ZW10: variants seen among roughly 807,000 people sequenced by gnomAD.
The protein encoded by ZW10 is centromere/kinetochore protein zw10 homolog.
ZW10 carries 53 observed loss-of-function variants against 87.8 expected under a neutral mutation model. The ratio of observed to expected loss-of-function variants is 0.60; its 90% CI spans 0.48 to 0.76. The LOEUF (loss-of-function observed/expected upper bound fraction) is 0.76, where lower values mean the gene tolerates loss of function less well. Ranked by LOEUF, ZW10 falls within the 30% of genes least tolerant of loss-of-function variation. The pLI is 0.00. For synonymous variants in ZW10, 312 were observed against 329.2 expected, an observed-to-expected ratio of 0.95 and a Z score of 0.57; for missense variants, 837 against 923.0, an observed-to-expected ratio of 0.91 and a Z score of 1.21.
In ZW10 at chr11:113,768,949, T is replaced by C. The variant is rs749671521; in HGVS notation, c.124A>G (p.Ile42Val). 6.2e-7 allele frequency: 1 copy of C among 1,614,156 alleles called. No individual in the cohort carries two copies. The highest frequency in any genetic ancestry group is 1.1e-5 in the South Asian group (1 of 91,076). Residue 42 changes from isoleucine (I) to valine (V), a missense_variant, in exon 2 of 16, where the codon ATT becomes GTT. Physicochemically the swap from Ile to Val is conservative, Grantham distance 29. Transcript: ENST00000200135. ...EEIKGEVCNM[I>V]SKKYSEFLPS... ...AGGAATTCACTGTACTTCTTGCTAA[T>C]CATATTGCACACCTCACCCTAAAAT... is the stretch of plus-strand genomic sequence containing the variant.
intron 8 of ZW10, 41 bp downstream of exon 8, chr11:113,748,216 A>C (rs1953700482): frequency 6.5e-7 from 1 of 1,530,118 alleles, no homozygotes; most frequent in African/African-American, 1.4e-5. Flanking sequence ...AATAAGAAAC[A>C]ACAGTGTCTT....
chr11:113,744,103 C>G, intron 9 of ZW10, 63 bp from the exon 10 acceptor site: 1 of 1,382,478 alleles, frequency 7.2e-7, no homozygotes. Flanking sequence ...AATATAAGCA[C>G]ACGGCCGGGC....
chr11:113,773,095 A>G (rs1460963032), intron 1 of ZW10, among the ~76,000 whole-genome samples: 1 of 152,068 alleles, frequency 6.6e-6, no homozygotes, highest in African/African-American at 2.4e-5. Flanking sequence ...CAACAAATCA[A>G]GGAGTGGGTG....
At chr11:113,761,437 A>G (rs1216510792) in intron 2 of ZW10, among the ~76,000 whole-genome samples, 2 of 151,834 alleles carry the variant, frequency 1.3e-5, no homozygotes, top group Non-Finnish European at 2.9e-5. Context: ...GCACCACCAC[A>G]CCTGTCTAAT....
At chr11:113,737,320 C>A (rs1382242891) in intron 14 of ZW10, among the ~76,000 whole-genome samples, 3 of 152,156 alleles carry the variant, frequency 2.0e-5, no homozygotes, top group African/African-American at 7.2e-5. Flanking sequence ...CATCTCAGGA[C>A]CACTACCCAG....
At chr11:113,760,737 C>T in intron 3 of ZW10, 80 bp downstream of exon 3, 2 of 1,255,936 alleles carry the variant, frequency 1.6e-6, no homozygotes, top group Non-Finnish European at 1.1e-6. Context: ...CAAAAAAACC[C>T]ATTATAGTCA....
At chr11:113,756,453 T>C (rs185431598) in intron 7 of ZW10, among the ~76,000 whole-genome samples, 84 of 152,284 alleles carry the variant, frequency 5.5e-4, no homozygotes, top group African/African-American at 1.9e-3. Flanking sequence ...ACCATAGAAA[T>C]AGCATCAATA....
chr11:113,736,201 C>T (rs567736944), intron 15 of ZW10, among the ~76,000 whole-genome samples: 11 of 151,824 alleles, frequency 7.2e-5, no homozygotes, highest in East Asian at 1.9e-4. Context: ...CTTGAGCCCA[C>T]GAGTTTGAGG....
At chr11:113,771,969 A>G (rs1953972446) in intron 1 of ZW10, among the ~76,000 whole-genome samples, 1 of 152,266 alleles carries the variant, frequency 6.6e-6, no homozygotes, top group African/African-American at 2.4e-5. Context: ...ACTGAAATGT[A>G]ATACAGCAAC....
At chr11:113,758,775 G>C in intron 5 of ZW10, 69 bp from the exon 6 acceptor site, 1 of 1,476,598 alleles carries the variant, frequency 6.8e-7, no homozygotes, top group East Asian at 2.3e-5. Context: ...ATTCCTCAGA[G>C]CTCATTCTCT....
chr11:113,738,132 T>C, intron 13 of ZW10, 132 bp downstream of exon 13: 1 of 1,010,566 alleles, frequency 9.9e-7, no homozygotes, highest in Non-Finnish European at 1.4e-6. Flanking sequence ...GGTATCTAGA[T>C]TTTCCAAAGG....
rs1013602077 is a variant in ZW10 at position 113,760,910 on chromosome 11, C to A, written c.249G>T (p.Arg83=). ...ATTCACCGGTTGATACGTGAAGATCCCGGCGGACCTAATTCACACATCAAA... is the reference window on the plus strand; with the variant it reads ...ATTCACCGGTTGATACGTGAAGATCACGGCGGACCTAATTCACACATCAAA... ...LKSRIESEVR[R]DLHVSTGEFT... The change falls in exon 3 of 16, where the codon CGG becomes CGT. Residue 83 remains arginine, a synonymous_variant. Coordinates refer to ENST00000200135, the MANE Select transcript of ZW10 (RefSeq NM_004724.4). 1.2e-6 allele frequency: 2 copies of A among 1,613,310 alleles called. No homozygotes were observed. Among genetic ancestry groups the A allele is most frequent in the Admixed American group, 3.3e-5 (2 of 59,918 alleles).
At chr11:113,754,930 C>T (rs973318931) in intron 7 of ZW10, among the ~76,000 whole-genome samples, 4 of 152,108 alleles carry the variant, frequency 2.6e-5, no homozygotes, top group Non-Finnish European at 5.9e-5. Context: ...TGTGAGCTAC[C>T]ATGCCCAGCC....
chr11:113,750,342 T>C (rs1953722154), intron 7 of ZW10, among the ~76,000 whole-genome samples: 1 of 152,032 alleles, frequency 6.6e-6, no homozygotes, highest in African/African-American at 2.4e-5. Flanking sequence ...TTGCTCTTGT[T>C]GCCCAGGCTG....
At chr11:113,742,317 G>A (rs1386944748) in intron 10 of ZW10, among the ~76,000 whole-genome samples, 2 of 152,066 alleles carry the variant, frequency 1.3e-5, no homozygotes, top group Non-Finnish European at 2.9e-5. Flanking sequence ...TTATTAAAAT[G>A]CACTTTTAAA....
chr11:113,758,738 T>C (rs751597256), intron 5 of ZW10, 32 bp from the exon 6 acceptor site: 6 of 1,609,222 alleles, frequency 3.7e-6, no homozygotes, highest in Admixed American at 1.7e-5. Flanking sequence ...ATCAGCTGTC[T>C]CACCAATATG....
At chr11:113,747,974 C>T (rs1191929827) in intron 8 of ZW10, among the ~76,000 whole-genome samples, 2 of 151,884 alleles carry the variant, frequency 1.3e-5, no homozygotes, top group African/African-American at 4.8e-5. Context: ...TTCAAGGAAA[C>T]ACTAAAAAGA....
chr11:113,767,523 T>C (rs760199439), intron 2 of ZW10, among the ~76,000 whole-genome samples: 6 of 152,208 alleles, frequency 3.9e-5, no homozygotes, highest in Non-Finnish European at 5.9e-5. Context: ...CCACTGACTT[T>C]AGAGAAAGTC....
intron 9 of ZW10, among the ~76,000 whole-genome samples, chr11:113,745,441 C>T (rs1322343770): frequency 1.3e-5 from 2 of 152,110 alleles, no homozygotes; most frequent in Admixed American, 6.6e-5. Flanking sequence ...CTATTTAAGT[C>T]AGTGGACTTG....
Sources: gnomAD v4.1 joint callset for allele counts (sites outside exome capture counted in the v4.1 genomes callset) on GRCh38, gnomAD v4.1.1 for gene constraint, MANE v1.5 for transcripts, NCBI Gene and HGNC (gene_info 2026-07-23, HGNC 2026-07-21) for gene names.